HCN1: variants seen among roughly 807,000 people sequenced by gnomAD.
HCN1 encodes the protein hyperpolarization activated cyclic nucleotide gated potassium channel 1.
In HCN1, 13 loss-of-function variants were observed where a neutral mutation model predicts 78.9. The observed-to-expected ratio is 0.16, with a 90% CI of 0.11 to 0.26. HCN1 has a LOEUF of 0.26. Ranked by LOEUF, HCN1 falls within the 10% of genes least tolerant of loss-of-function variation. HCN1 has a pLI of 1.00. For missense variants in HCN1, 810 were observed against 1,154.3 expected, an observed-to-expected ratio of 0.70 and a Z score of 4.32; for synonymous variants, 552 against 455.5, an observed-to-expected ratio of 1.21 and a Z score of -2.70.
At chr5:45,629,237 T>C (rs1300290486) in intron 2 of HCN1, among the ~76,000 whole-genome samples, 2 of 152,016 alleles carry the variant, frequency 1.3e-5, no homozygotes, top group Non-Finnish European at 2.9e-5. Flanking sequence ...GGCAAAATCA[T>C]TGTTTAGTAT....
intron 5 of HCN1, among the ~76,000 whole-genome samples, chr5:45,307,964 T>A (rs946102898): frequency 8.5e-5 from 13 of 152,132 alleles, no homozygotes; most frequent in Non-Finnish European, 1.9e-4. Flanking sequence ...TGCTTGGCAC[T>A]TCATGTCTCA....
chr5:45,377,426 CTTCT>C (rs774780373), intron 4 of HCN1, among the ~76,000 whole-genome samples: 8 of 151,564 alleles, frequency 5.3e-5, no homozygotes, highest in South Asian at 4.2e-4. Flanking sequence ...ATCTTTTTTG[CTTCT>C]TTCTTTGTGG....
chr5:45,639,222 C>A (rs572499302), intron 2 of HCN1, among the ~76,000 whole-genome samples: 4 of 151,832 alleles, frequency 2.6e-5, no homozygotes, highest in African/African-American at 9.7e-5. Flanking sequence ...AAAGATAGAA[C>A]CTTAAAGTAA....
intron 6 of HCN1, among the ~76,000 whole-genome samples, chr5:45,287,794 A>T (rs1745297676): frequency 6.6e-6 from 1 of 152,070 alleles, no homozygotes; most frequent in Non-Finnish European, 1.5e-5. Context: ...ATTGACAATT[A>T]GATCTCCAGT....
At chr5:45,389,325 T>C (rs1747992297) in intron 4 of HCN1, among the ~76,000 whole-genome samples, 1 of 152,108 alleles carries the variant, frequency 6.6e-6, no homozygotes, top group Non-Finnish European at 1.5e-5. Flanking sequence ...AATTTCTTCT[T>C]CTCTCCCCCC....
At chr5:45,400,523 C>T (rs569714358) in intron 3 of HCN1, among the ~76,000 whole-genome samples, 9 of 151,336 alleles carry the variant, frequency 5.9e-5, no homozygotes, top group African/African-American at 9.7e-5. Context: ...CTCAGCCTCC[C>T]GAGTAGCTGG....
intron 2 of HCN1, among the ~76,000 whole-genome samples, chr5:45,625,618 A>C (rs567189240): frequency 9.7e-4 from 147 of 152,154 alleles, no homozygotes; most frequent in African/African-American, 3.4e-3. Context: ...GAAAGAGAAA[A>C]CTTTAAAAAA....
At chr5:45,549,092 A>G (rs1273788070) in intron 2 of HCN1, among the ~76,000 whole-genome samples, 4 of 152,008 alleles carry the variant, frequency 2.6e-5, no homozygotes, top group Non-Finnish European at 5.9e-5. Context: ...TATAGATTCA[A>G]TGCCATCCCC....
intron 4 of HCN1, among the ~76,000 whole-genome samples, chr5:45,359,416 A>AAAAT (rs1554020375): frequency 6.7e-4 from 95 of 142,566 alleles, no homozygotes; most frequent in East Asian, 2.6e-3. Flanking sequence ...AAAAAAAAAA[A>AAAAT]ATATATATAT....
intron 2 of HCN1, among the ~76,000 whole-genome samples, chr5:45,603,435 G>T (rs915134827): frequency 1.3e-5 from 2 of 152,078 alleles, no homozygotes; most frequent in African/African-American, 2.4e-5. Flanking sequence ...TTTGTTAAAA[G>T]ATTATGTAAT....
intron 3 of HCN1, among the ~76,000 whole-genome samples, chr5:45,434,552 A>G (rs1191026246): frequency 6.6e-6 from 1 of 152,250 alleles, no homozygotes; most frequent in Non-Finnish European, 1.5e-5. Flanking sequence ...CATTTTTTAG[A>G]ATAAATTAAA....
At chr5:45,275,013 A>AG (rs1745028405) in intron 6 of HCN1, among the ~76,000 whole-genome samples, 1 of 152,176 alleles carries the variant, frequency 6.6e-6, no homozygotes. Context: ...TGGGAGGCCG[A>AG]GGGGGGCAGA....
chr5:45,535,833 T>G (rs1055973090), intron 2 of HCN1, among the ~76,000 whole-genome samples: 1 of 152,160 alleles, frequency 6.6e-6, no homozygotes, highest in African/African-American at 2.4e-5. Flanking sequence ...TTTTAATCCT[T>G]TCTGGTAATC....
At chr5:45,420,302 A>G (rs1415028695) in intron 3 of HCN1, among the ~76,000 whole-genome samples, 1 of 152,080 alleles carries the variant, frequency 6.6e-6, no homozygotes, top group Non-Finnish European at 1.5e-5. Flanking sequence ...AGAACCCCCC[A>G]AAATTTGGGG....
chr5:45,411,604 G>T (rs544594467), intron 3 of HCN1, among the ~76,000 whole-genome samples: 8 of 151,756 alleles, frequency 5.3e-5, no homozygotes, highest in Non-Finnish European at 1.2e-4. Flanking sequence ...GAAAATGAAG[G>T]TTATTTTACC....
At position 45,461,905 on chromosome 5, in the gene HCN1, A is replaced by G. The variant is rs1434192474; in HGVS notation, c.952T>C (p.Leu318=). The change falls in exon 3 of 8, where the codon TTA becomes CTA. Residue 318 remains leucine, a synonymous_variant. Coordinates refer to ENST00000303230, the MANE Select transcript of HCN1 (RefSeq NM_021072.4). ...LCHWDGCLQF[L]VPLLQDFPPD... ...GGGAAGTCCTGCAGTAGTGGTACTA[A>G]GAACTGAAGACAACCATCCCAGTGG... 6.2e-7 allele frequency: 1 copy of G among 1,613,600 alleles called. No individual in the cohort carries two copies. The highest frequency in any genetic ancestry group is 8.5e-7 in the Non-Finnish European group (1 of 1,179,642).
rs374595314 is a variant in HCN1 at position 45,539,613 on chromosome 5, T to C, written c.850-77606A>G. Among the ~76,000 whole-genome samples the C allele has an allele frequency of 3.3e-4, 50 of 150,578 alleles. 1 individual carries two copies. The East Asian group carries it at 7.7e-3, about 23-fold the overall frequency. On this transcript the variant is annotated intron_variant, in intron 2 of 7. Coordinates refer to ENST00000303230, the MANE Select transcript of HCN1 (RefSeq NM_021072.4). ...CCGGGAGACGGAGCTTGCAGTGAGC[T>C]GAGATCGTGCCACTGCACTCCAGCC...
chr5:45,352,197 T>TA (rs544976147), intron 5 of HCN1, among the ~76,000 whole-genome samples: 1 of 152,038 alleles, frequency 6.6e-6, no homozygotes, highest in Admixed American at 6.6e-5. Flanking sequence ...TATGCAGCCA[T>TA]AAAAATGATG....
At position 45,604,362 on chromosome 5, in the gene HCN1, C is replaced by A. The variant is rs190063451; in HGVS notation, c.849+40823G>T. On this transcript the variant is annotated intron_variant, in intron 2 of 7. Coordinates refer to ENST00000303230, the MANE Select transcript of HCN1 (RefSeq NM_021072.4). ...CAGTCTGCAGTCTGGGTGGCGCTTACACACTCTTAATGATTCTGCTTGTAA... is the reference window on the plus strand; with the variant it reads ...CAGTCTGCAGTCTGGGTGGCGCTTAAACACTCTTAATGATTCTGCTTGTAA... 1.1e-4 allele frequency among the ~76,000 whole-genome samples: 17 copies of A among 152,006 alleles called. No homozygotes were observed. The East Asian group carries it at 3.1e-3, about 28-fold the overall frequency.
Sources: gnomAD v4.1 joint callset for allele counts (sites outside exome capture counted in the v4.1 genomes callset) on GRCh38, gnomAD v4.1.1 for gene constraint, MANE v1.5 for transcripts, NCBI Gene and HGNC (gene_info 2026-07-23, HGNC 2026-07-21) for gene names.